MGAT4C: variants seen among roughly 807,000 people sequenced by gnomAD.
MGAT4C encodes the protein alpha-1,3-mannosyl-glycoprotein 4-beta-N-acetylglucosaminyltransferase C.
A neutral mutation model predicts 40.1 loss-of-function variants in MGAT4C; 19 were observed. The ratio of observed to expected loss-of-function variants is 0.47; its 90% CI spans 0.33 to 0.70. The LOEUF (loss-of-function observed/expected upper bound fraction) is 0.70. MGAT4C is among the 30% of genes least tolerant of loss of function. MGAT4C has a pLI of 0.02. For synonymous variants in MGAT4C, 181 were observed against 187.1 expected (o/e 0.97, Z 0.27); for missense variants, 491 against 563.2 (o/e 0.87, Z 1.30).
At chr12:86,074,831 T>G (rs4842569) in intron 1 of MGAT4C, among the ~76,000 whole-genome samples, 86,671 of 151,922 alleles carry the variant, frequency 0.57, 25,574 homozygotes, top group East Asian at 0.92. Context: ...GTGAGACTTA[T>G]TTACTACCAT....
At chr12:86,157,430 G>T (rs839124) in intron 1 of MGAT4C, among the ~76,000 whole-genome samples, 121,551 of 152,062 alleles carry the variant, frequency 0.8, 49,016 homozygotes, top group East Asian at 1. Flanking sequence ...ATTATGTAAT[G>T]CAAATTAAAT....
intron 2 of MGAT4C, among the ~76,000 whole-genome samples, chr12:86,687,850 T>G (rs1397483069): frequency 1.3e-5 from 2 of 152,132 alleles, no homozygotes; most frequent in African/African-American, 4.8e-5. Flanking sequence ...CTATTAGGTC[T>G]GTTTGGTCCA....
At chr12:86,824,030 G>A (rs1375502150) in intron 1 of MGAT4C, among the ~76,000 whole-genome samples, 2 of 151,376 alleles carry the variant, frequency 1.3e-5, no homozygotes, top group African/African-American at 2.4e-5. Flanking sequence ...ACTGTTCTGA[G>A]TAGCATGATG....
intron 4 of MGAT4C, among the ~76,000 whole-genome samples, chr12:86,305,444 A>G (rs1254604783): frequency 8.9e-5 from 1 of 11,208 alleles, no homozygotes; most frequent in Non-Finnish European, 4.7e-4. Context: ...CGTCTCAAAG[A>G]AAAAAAAAAA....
At chr12:86,199,293 C>G (rs1949945165) in intron 1 of MGAT4C, among the ~76,000 whole-genome samples, 1 of 152,000 alleles carries the variant, frequency 6.6e-6, no homozygotes, top group South Asian at 2.1e-4. Flanking sequence ...GCAGAGGCAG[C>G]AGTGAGTGGA....
chr12:86,049,611 T>G, intron 2 of MGAT4C, 63 bp downstream of exon 2: 1 of 826,634 alleles, frequency 1.2e-6, no homozygotes, highest in Non-Finnish European at 1.5e-6. Flanking sequence ...TTAAATATTT[T>G]TGATAATACA....
chr12:86,260,073 T>G (rs572667837), upstream of MGAT4C, among the ~76,000 whole-genome samples: 14 of 152,228 alleles, frequency 9.2e-5, no homozygotes, highest in African/African-American at 3.4e-4. Context: ...TAGGCTTTAT[T>G]GCATTAGGGT....
At chr12:86,345,074 T>C (rs936719689) in intron 3 of MGAT4C, among the ~76,000 whole-genome samples, 2 of 151,958 alleles carry the variant, frequency 1.3e-5, no homozygotes, top group African/African-American at 4.8e-5. Flanking sequence ...ACACAAAATA[T>C]TTTGAACAGA....
intron 2 of MGAT4C, among the ~76,000 whole-genome samples, chr12:86,487,157 G>T (rs193167297): frequency 6.6e-6 from 1 of 152,102 alleles, no homozygotes; most frequent in Non-Finnish European, 1.5e-5. Context: ...AATAGCAATG[G>T]AGTCATTTGG....
chr12:86,807,839 A>ATC (rs1952388520), intron 1 of MGAT4C, among the ~76,000 whole-genome samples: 1 of 152,072 alleles, frequency 6.6e-6, no homozygotes, highest in Admixed American at 6.6e-5. Flanking sequence ...ATGATATGGT[A>ATC]TCTCATTGTG....
intron 1 of MGAT4C, among the ~76,000 whole-genome samples, chr12:86,093,092 TTG>T (rs1251048222): frequency 6.6e-6 from 1 of 152,096 alleles, no homozygotes; most frequent in African/African-American, 2.4e-5. Context: ...CACTGAAACT[TTG>T]TCTCTATTCA....
intron 3 of MGAT4C, among the ~76,000 whole-genome samples, chr12:86,374,322 TAGAA>T (rs1435844841): frequency 6.6e-6 from 1 of 152,094 alleles, no homozygotes; most frequent in Non-Finnish European, 1.5e-5. Flanking sequence ...AAGTGATAGT[TAGAA>T]AGAATAACTT....
At chr12:86,296,075 C>T (rs1304349878) in intron 4 of MGAT4C, among the ~76,000 whole-genome samples, 1 of 67,654 alleles carries the variant, frequency 1.5e-5, no homozygotes, top group Non-Finnish European at 2.7e-5. Context: ...CAAGGCCCCA[C>T]CAGAGCAGCT....
In MGAT4C at chr12:86,620,962, G is replaced by C. The variant is rs138480026; in HGVS notation, c.-229+106247C>G. 5.0e-3 allele frequency among the ~76,000 whole-genome samples: 764 copies of C among 152,214 alleles called. 4 individuals carry two copies. The highest frequency in any genetic ancestry group is 0.018 in the African/African-American group (729 of 41,508). ...AAGGCTTCCCCAGAAGCAAAAGCCT[G>C]TACAGACTGCTGCTATATTAAATAT... On this transcript the variant is annotated intron_variant, in intron 2 of 7. Coordinates refer to the MGAT4C transcript ENST00000548651.
upstream of MGAT4C, among the ~76,000 whole-genome samples, chr12:86,257,841 C>G (rs61949049): frequency 0.079 from 12,077 of 152,140 alleles, 682 homozygotes; most frequent in Middle Eastern, 0.21. Flanking sequence ...ATTCATCCTC[C>G]AGTTCTTGCT....
chr12:86,095,293 C>T (rs1362314627), intron 1 of MGAT4C, among the ~76,000 whole-genome samples: 1 of 151,852 alleles, frequency 6.6e-6, no homozygotes, highest in East Asian at 1.9e-4. Flanking sequence ...TATATATACT[C>T]CCAGATATTA....
rs544368950 is a variant in MGAT4C, at chr12:85,968,446, T to C, written c.*10843A>G. On this transcript the variant is annotated 3_prime_UTR_variant, in exon 5 of 5. Transcript: ENST00000611864. The stretch of plus-strand genomic sequence containing the variant: ...CCAAAAACGAGAGTCCCAGATTCAA[T>C]AGGAAGGCATGCAGAGTGTTCTCTA... The C allele has an allele frequency of 6.6e-6, 1 of 151,986 alleles. No individual in the cohort carries two copies. The highest frequency in any genetic ancestry group is 2.1e-4 in the South Asian group (1 of 4,816). The allele number at this position is 151,986 out of a possible 1,614,324, so 9.4% of individuals were successfully genotyped here.
intron 2 of MGAT4C, among the ~76,000 whole-genome samples, chr12:86,718,564 T>C (rs1950687130): frequency 6.6e-6 from 1 of 152,162 alleles, no homozygotes; most frequent in Non-Finnish European, 1.5e-5. Flanking sequence ...TTTCTTTACT[T>C]GATCTCTCTA....
intron 4 of MGAT4C, among the ~76,000 whole-genome samples, chr12:86,268,822 A>G (rs2136105001): frequency 6.8e-6 from 1 of 146,992 alleles, no homozygotes; most frequent in South Asian, 2.1e-4. Context: ...ATTCTGAAAG[A>G]AAGTAAAGTG....
Sources: gnomAD v4.1 joint callset for allele counts (sites outside exome capture counted in the v4.1 genomes callset) on GRCh38, gnomAD v4.1.1 for gene constraint, MANE v1.5 for transcripts, NCBI Gene and HGNC (gene_info 2026-07-23, HGNC 2026-07-21) for gene names.